The following SOX6 variants were observed in gnomAD, a reference collection of about 807,000 sequenced individuals.
The protein encoded by SOX6 is SRY-box transcription factor 6, also known as transcription factor SOX-6.
In SOX6, 11 loss-of-function variants were observed where a neutral mutation model predicts 97.8. That is an observed-to-expected ratio of 0.11 (90% CI 0.07 to 0.19). SOX6 has a LOEUF of 0.19. Ranked by LOEUF, SOX6 falls within the 10% of genes least tolerant of loss-of-function variation. The probability of loss-of-function intolerance (pLI) is 1.00; values close to 1 mark genes in which losing one functional copy is unlikely to be tolerated. For missense variants in SOX6, 810 were observed against 1,039.5 expected, an observed-to-expected ratio of 0.78 and a Z score of 3.04; for synonymous variants, 360 against 371.4, an observed-to-expected ratio of 0.97 and a Z score of 0.35.
rs1367819769 is a variant in SOX6, at chr11:15,970,577, ACCT to A, written c.*2229_*2231del. Reference sequence around the variant, plus strand: ...TACTCATTTTTTGAGAGAAAAAATGACCTCCTCCTCATTTGAAATAAATGTACA... The same window carrying A: ...TACTCATTTTTTGAGAGAAAAAATGACCTCCTCATTTGAAATAAATGTACA... On this transcript the variant is annotated 3_prime_UTR_variant, in exon 16 of 16. Coordinates refer to ENST00000683767, the MANE Select transcript of SOX6 (RefSeq NM_001367873.1). The A allele has an allele frequency of 2.0e-5, 3 of 152,328 alleles. No homozygotes were observed. The highest frequency in any genetic ancestry group is 4.4e-5 in the Non-Finnish European group (3 of 67,968). The allele number at this position is 152,328 out of a possible 1,614,324, so 9.4% of individuals were successfully genotyped here. A position where few individuals can be genotyped will look rare whatever the true frequency, so the allele number is the denominator to read the frequency against.
chr11:15,998,964 GT>G (rs1854316434), intron 13 of SOX6, among the ~76,000 whole-genome samples: 1 of 152,006 alleles, frequency 6.6e-6, no homozygotes, highest in African/African-American at 2.4e-5. Context: ...AAAAGTCATT[GT>G]TAAGAAAATA....
intron 1 of SOX6, among the ~76,000 whole-genome samples, chr11:16,460,450 G>C (rs2133105536): frequency 6.6e-6 from 1 of 152,176 alleles, no homozygotes; most frequent in Non-Finnish European, 1.5e-5. Context: ...ATGAATGTTA[G>C]TGTTAGTATG....
In SOX6 at chr11:16,300,885, CATAAG is replaced by C. The variant is rs1323758884; in HGVS notation, c.445+17556_445+17560del. On this transcript the variant is annotated intron_variant, in intron 3 of 15. Transcript: ENST00000683767. This position sits in a 1 kb window ranked among gnomAD's most constrained non-coding sequence, Gnocchi z 4.1. ...TCATCCAATAATATTTATTAAGCACCATAAGATAAGATAAGGGATCACTCTGTGAC... is the reference window on the plus strand; with the variant it reads ...TCATCCAATAATATTTATTAAGCACCATAAGATAAGGGATCACTCTGTGAC... Among the ~76,000 whole-genome samples the C allele has an allele frequency of 1.3e-5, 2 of 152,132 alleles. No homozygotes were observed. Among genetic ancestry groups the C allele is most frequent in the African/African-American group, 2.4e-5 (1 of 41,422 alleles).
intron 3 of SOX6, among the ~76,000 whole-genome samples, chr11:16,636,049 C>T (rs1490279235): frequency 6.6e-6 from 1 of 152,188 alleles, no homozygotes. Context: ...CACACAGAGT[C>T]CCCAATGGGG....
chr11:15,982,069 G>T (rs1034474399), intron 15 of SOX6, among the ~76,000 whole-genome samples: 1 of 151,906 alleles, frequency 6.6e-6, no homozygotes, highest in African/African-American at 2.4e-5. Flanking sequence ...AGCCAAGAAG[G>T]TGCAGATCTA....
intron 13 of SOX6, among the ~76,000 whole-genome samples, chr11:15,991,973 C>T (rs1371182160): frequency 6.6e-6 from 1 of 152,188 alleles, no homozygotes; most frequent in African/African-American, 2.4e-5. Flanking sequence ...CTACCCTGCA[C>T]TGACCTTTTC....
chr11:16,109,099 G>A (rs1210268303), intron 7 of SOX6, among the ~76,000 whole-genome samples: 1 of 152,110 alleles, frequency 6.6e-6, no homozygotes, highest in East Asian at 1.9e-4. Context: ...GTTGTTTAGG[G>A]AACCAGAATA....
At chr11:16,231,951 A>G (rs1400602788) in intron 4 of SOX6, among the ~76,000 whole-genome samples, 1 of 151,878 alleles carries the variant, frequency 6.6e-6, no homozygotes, top group East Asian at 1.9e-4. Flanking sequence ...AATGGAAAGA[A>G]TATACAATAA....
chr11:16,631,564 G>C (rs886865655), intron 3 of SOX6, among the ~76,000 whole-genome samples: 1 of 152,130 alleles, frequency 6.6e-6, no homozygotes, highest in African/African-American at 2.4e-5. Flanking sequence ...CCTTGGTAAA[G>C]TTCACTTTGT....
At chr11:16,072,021 G>A (rs1195452394) in intron 9 of SOX6, among the ~76,000 whole-genome samples, 1 of 151,902 alleles carries the variant, frequency 6.6e-6, no homozygotes, top group African/African-American at 2.4e-5. Context: ...AACTCAAAAA[G>A]CCAGAGTGCA....
chr11:16,243,507 TTTAA>T (rs981985295), intron 3 of SOX6, among the ~76,000 whole-genome samples: 45 of 151,964 alleles, frequency 3.0e-4, no homozygotes, highest in African/African-American at 1.1e-3. Flanking sequence ...AACTAGTTTT[TTTAA>T]TTAACTATAT....
At chr11:16,316,699 G>A (rs1040980382) in intron 3 of SOX6, 7 of 152,014 alleles carry the variant, frequency 4.6e-5, no homozygotes, top group African/African-American at 1.7e-4. Flanking sequence ...CTCCTCCAAA[G>A]TATTTTGAAA....
chr11:16,679,424 T>A (rs1847909419), intron 3 of SOX6, among the ~76,000 whole-genome samples: 1 of 152,058 alleles, frequency 6.6e-6, no homozygotes, highest in African/African-American at 2.4e-5. Flanking sequence ...AGCATCAACA[T>A]CAATAAAATG....
intron 3 of SOX6, among the ~76,000 whole-genome samples, chr11:16,235,940 T>C (rs998940587): frequency 3.9e-5 from 6 of 152,098 alleles, no homozygotes; most frequent in African/African-American, 1.4e-4. Context: ...AAGGAAGGGA[T>C]AGAATCCAGA....
chr11:16,443,754 C>A (rs1293029559), intron 1 of SOX6, among the ~76,000 whole-genome samples: 1 of 151,982 alleles, frequency 6.6e-6, no homozygotes, highest in Non-Finnish European at 1.5e-5. Context: ...GTGGATCATG[C>A]CTGTAATCCT....
chr11:16,282,564 A>G (rs1854597608), intron 3 of SOX6, among the ~76,000 whole-genome samples: 1 of 151,566 alleles, frequency 6.6e-6, no homozygotes, highest in Non-Finnish European at 1.5e-5. Context: ...TAAATTTTTA[A>G]GCCCAGTTTT....
chr11:16,618,948 A>T (rs1258432908), intron 3 of SOX6, among the ~76,000 whole-genome samples: 1 of 152,036 alleles, frequency 6.6e-6, no homozygotes, highest in Non-Finnish European at 1.5e-5. Context: ...AATAACAAGG[A>T]CTTCTTAACT....
chr11:16,344,052 G>A (rs944885588), intron 1 of SOX6, among the ~76,000 whole-genome samples: 7 of 151,818 alleles, frequency 4.6e-5, no homozygotes, highest in African/African-American at 1.7e-4. Context: ...CTTAGCAAAG[G>A]AATTAACATT....
At position 16,627,462 on chromosome 11, in the gene SOX6, T is replaced by C. The variant is rs150246012; in HGVS notation, n.430-15202A>G. Among the ~76,000 whole-genome samples the C allele has an allele frequency of 1.1e-4, 16 of 152,360 alleles. No homozygotes were observed. In the East Asian group the frequency reaches 2.1e-3, roughly 20 times the overall value. ...AACGTATAAGCCTCGCCAGCATTTG[T>C]TGTTTTCTAACTTTTTAATAATAGC... is the stretch of plus-strand genomic sequence containing the variant. On this transcript the variant is annotated intron_variant and non_coding_transcript_variant, in intron 3 of 5. Transcript: ENST00000524520.
Sources: allele counts gnomAD v4.1 joint callset (sites outside exome capture counted in the v4.1 genomes callset), GRCh38; gene constraint gnomAD v4.1.1; non-coding constraint Gnocchi (gnomAD v3.1); transcripts MANE v1.5; gene names NCBI Gene and HGNC (gene_info 2026-07-23, HGNC 2026-07-21).